The following GNPDA2 variants were observed in gnomAD, a reference collection of about 807,000 sequenced individuals.
The protein encoded by GNPDA2 is glcN6P deaminase 2.
A neutral mutation model predicts 27.0 loss-of-function variants in GNPDA2; 24 were observed. The ratio of observed to expected loss-of-function variants is 0.89; its 90% CI spans 0.64 to 1.25. GNPDA2 has a LOEUF of 1.25. GNPDA2 is among the 50% of genes most tolerant of loss of function. GNPDA2 has a pLI of 0.00. For synonymous variants in GNPDA2, 94 were observed against 108.4 expected (o/e 0.87, Z 0.83); for missense variants, 286 against 335.1 (o/e 0.85, Z 1.14).
chr4:44,711,292 A>G (rs530505777), intron 4 of GNPDA2, among the ~76,000 whole-genome samples, 155 bp from the exon 5 acceptor site: 24 of 152,288 alleles, frequency 1.6e-4, no homozygotes, highest in African/African-American at 5.5e-4. Flanking sequence ...TTGATTCAAC[A>G]AATGTTTCCA....
chr4:44,719,821 A>AT (rs1328920146), intron 2 of GNPDA2, among the ~76,000 whole-genome samples: 1 of 152,106 alleles, frequency 6.6e-6, no homozygotes, highest in East Asian at 1.9e-4. Context: ...AAGAAACTTA[A>AT]TTTTTATATT....
intron 6 of GNPDA2, chr4:44,704,721 A>G: frequency 1.0e-6 from 1 of 983,370 alleles, no homozygotes. Context: ...AGACTTCCTG[A>G]AACGTTACCA....
At position 44,703,913 on chromosome 4, in the gene GNPDA2, T is replaced by C. The variant is rs1442066013; in HGVS notation, c.770-771A>G. 9.1e-6 allele frequency: 9 copies of C among 984,956 alleles called. No individual in the cohort carries two copies. In the East Asian group the frequency reaches 9.1e-4, roughly 99 times the overall value. 61.0% of individuals were successfully genotyped at this position (984,956 alleles called of 1,614,324 possible). Reference sequence around the variant, plus strand: ...CAGTTAATGAACCAGAGATTTTATATTTTGGAGGGTAAAGAAATGAGTTAA... The same window carrying C: ...CAGTTAATGAACCAGAGATTTTATACTTTGGAGGGTAAAGAAATGAGTTAA... On this transcript the variant is annotated intron_variant, in intron 6 of 6. Transcript: ENST00000295448.
At position 44,705,940 on chromosome 4, in the gene GNPDA2, G is replaced by A. The variant is rs1361510172; in HGVS notation, c.769+1812C>T. 2.0e-5 allele frequency: 3 copies of A among 151,884 alleles called. No individual in the cohort carries two copies. The South Asian group carries it at 6.2e-4, about 31-fold the overall frequency. The allele number at this position is 151,884 out of a possible 1,614,324, so 9.4% of individuals were successfully genotyped here. The stretch of plus-strand genomic sequence containing the variant: ...GTGCCTGGTCATAGAGATACTGGCT[G>A]TTATTAAATATCTTATTAAATATTC... On this transcript the variant is annotated intron_variant, in intron 6 of 6. Coordinates refer to ENST00000295448, the MANE Select transcript of GNPDA2 (RefSeq NM_138335.3).
At chr4:44,717,740 ATG>A (rs1717398101) in intron 3 of GNPDA2, among the ~76,000 whole-genome samples, 1 of 151,880 alleles carries the variant, frequency 6.6e-6, no homozygotes, top group African/African-American at 2.4e-5. Flanking sequence ...TTCATCCTGT[ATG>A]TGTGCAGATT....
Position 44,722,188 on chromosome 4 carries a change from T to C in GNPDA2, c.20A>G (p.Asp7Gly). 6.2e-7 allele frequency: 1 copy of C among 1,613,490 alleles called. No individual in the cohort carries two copies. Among genetic ancestry groups the C allele is most frequent in the South Asian group, 1.1e-5 (1 of 91,000 alleles). The change falls in exon 2 of 7, where the codon GAT (aspartate) becomes GGT (glycine). Residue 7 changes from aspartate (D) to glycine (G), a missense_variant. By Grantham distance (94) the Asp-to-Gly change is moderately conservative. Transcript: ENST00000295448. ...CCATTCACTAGCCAAGTCATAGTTA[T>C]CAAGAATTACAAGCCTCATTACGGT... Reference protein sequence around the residue: MRLVILDNYDLASEWAA... With the variant: MRLVILGNYDLASEWAA...
chr4:44,716,809 C>A (rs1413709725), intron 4 of GNPDA2, among the ~76,000 whole-genome samples: 1 of 151,772 alleles, frequency 6.6e-6, no homozygotes, highest in Non-Finnish European at 1.5e-5. Flanking sequence ...ACATATTACT[C>A]ATTTTGAAAG....
rs1717436605 is a variant in GNPDA2, at chr4:44,718,252, T to G, written c.226+57A>C. 4.5e-6 allele frequency: 3 copies of G among 671,914 alleles called. No homozygotes were observed. The Admixed American group carries it at 9.0e-5, about 20-fold the overall frequency. The allele number at this position is 671,914 out of a possible 1,614,324, so 41.6% of individuals were successfully genotyped here. Reference sequence around the variant, plus strand: ...TACTTGTATTCTAAAACTACATTCATTTTATTCCAAATATAACATACCCAA... The same window carrying G: ...TACTTGTATTCTAAAACTACATTCAGTTTATTCCAAATATAACATACCCAA... On this transcript the variant is annotated intron_variant, in intron 3 of 6. Transcript: ENST00000295448.
rs1716359599 is a variant in GNPDA2, at chr4:44,702,865, A to C, written c.*216T>G. On this transcript the variant is annotated 3_prime_UTR_variant, in exon 7 of 7. Coordinates refer to ENST00000295448, the MANE Select transcript of GNPDA2 (RefSeq NM_138335.3). ...CTATGTGACTTCAGTACTTTATAATAAATAGCCAGTCAATCTTGAGAGCCA... is the reference window on the plus strand; with the variant it reads ...CTATGTGACTTCAGTACTTTATAATCAATAGCCAGTCAATCTTGAGAGCCA... 10 of 1,386,438 alleles carry C rather than the reference A, an allele frequency of 7.2e-6. No homozygotes were observed. The Admixed American group carries it at 3.4e-4, about 47-fold the overall frequency. The allele number at this position is 1,386,438 out of a possible 1,614,324, so 85.9% of individuals were successfully genotyped here.
chr4:44,724,156 A>G (rs1041144313), intron 1 of GNPDA2, among the ~76,000 whole-genome samples: 9 of 152,084 alleles, frequency 5.9e-5, no homozygotes, highest in African/African-American at 1.2e-4. Context: ...GCTTTAGGTT[A>G]CCTGCCCCCA....
At chr4:44,703,412 C>T in intron 6 of GNPDA2, 1 of 1,170,946 alleles carries the variant, frequency 8.5e-7, no homozygotes, top group Non-Finnish European at 1.1e-6. Context: ...CATTTCTTGT[C>T]TTCAAAGAGA....
In GNPDA2 at chr4:44,712,630, A is replaced by AT. The variant is rs1160873036; in HGVS notation, c.410-1494dup. On this transcript the variant is annotated intron_variant, in intron 4 of 6. Transcript: ENST00000295448. ...ATATCCCTAACATTTATATTTCTCT[A>AT]TATATGTGTAGAGGGAAGGATGGGA... Among the ~76,000 whole-genome samples the AT allele has an allele frequency of 8.5e-5, 13 of 152,156 alleles. No individual in the cohort carries two copies. In the South Asian group the frequency reaches 2.5e-3, roughly 29 times the overall value.
intron 4 of GNPDA2, among the ~76,000 whole-genome samples, chr4:44,714,080 TC>T (rs1224348442): frequency 6.6e-6 from 1 of 151,826 alleles, no homozygotes; most frequent in Non-Finnish European, 1.5e-5. Context: ...CAAGTGATTC[TC>T]CTGCCTCAGC....
intron 2 of GNPDA2, 67 bp downstream of exon 2, chr4:44,722,017 C>A: frequency 1.7e-6 from 2 of 1,197,298 alleles, no homozygotes; most frequent in South Asian, 1.4e-5. Context: ...TAAAAGAAAC[C>A]CTTCAATTCC....
intron 5 of GNPDA2, among the ~76,000 whole-genome samples, chr4:44,709,490 G>GT (rs1716837014): frequency 6.6e-6 from 1 of 152,144 alleles, no homozygotes; most frequent in Non-Finnish European, 1.5e-5. Flanking sequence ...AGCAAGCTAG[G>GT]TGTGGATACC....
At chr4:44,711,361 C>T (rs982032473) in intron 4 of GNPDA2, among the ~76,000 whole-genome samples, 1 of 152,056 alleles carries the variant, frequency 6.6e-6, no homozygotes, top group African/African-American at 2.4e-5. Flanking sequence ...TTAAGTATCA[C>T]CTTATATTAA....
chr4:44,709,182 T>C (rs191675924), intron 5 of GNPDA2, among the ~76,000 whole-genome samples: 2 of 152,226 alleles, frequency 1.3e-5, no homozygotes, highest in Admixed American at 6.5e-5. Context: ...ACTAAACTTT[T>C]ATTGGTGAGA....
chr4:44,718,282 T>A (rs1334949330), intron 3 of GNPDA2, 27 bp downstream of exon 3: 1 of 842,012 alleles, frequency 1.2e-6, no homozygotes, highest in African/African-American at 1.8e-5. Context: ...ACCCAAATAA[T>A]GGTCAATATA....
At chr4:44,709,426 A>C (rs912263892) in intron 5 of GNPDA2, among the ~76,000 whole-genome samples, 1 of 152,148 alleles carries the variant, frequency 6.6e-6, no homozygotes, top group African/African-American at 2.4e-5. Context: ...AGGACAAACT[A>C]TATGGAATAA....
Sources: gnomAD v4.1 joint callset for allele counts (sites outside exome capture counted in the v4.1 genomes callset) on GRCh38, gnomAD v4.1.1 for gene constraint, MANE v1.5 for transcripts, NCBI Gene and HGNC (gene_info 2026-07-23, HGNC 2026-07-21) for gene names.